EPDR1: variants seen among roughly 807,000 people sequenced by gnomAD.
The protein encoded by EPDR1 is ependymin related 1.
A neutral mutation model predicts 23.7 loss-of-function variants in EPDR1; 27 were observed. The ratio of observed to expected loss-of-function variants is 1.14; its 90% confidence interval spans 0.84 to 1.57. EPDR1 has a LOEUF of 1.57. Among genes scored for constraint, EPDR1 ranks in the 40% most tolerant of loss-of-function variants. The pLI is 0.00. For missense variants in EPDR1, 349 were observed against 290.4 expected (o/e 1.20, Z -1.47); for synonymous variants, 137 against 118.2 (o/e 1.16, Z -1.03).
At chr7:37,944,621 C>T (rs1253588541) in intron 1 of EPDR1, among the ~76,000 whole-genome samples, 1 of 152,152 alleles carries the variant, frequency 6.6e-6, no homozygotes, top group Non-Finnish European at 1.5e-5. Context: ...AGGGGAATTC[C>T]CATTTATAAA....
At chr7:37,937,118 A>C (rs1786069010) in intron 1 of EPDR1, among the ~76,000 whole-genome samples, 1 of 152,236 alleles carries the variant, frequency 6.6e-6, no homozygotes, top group Non-Finnish European at 1.5e-5. Flanking sequence ...TCTGGAAATT[A>C]GGTATGTGAT....
At chr7:37,929,520 G>A (rs1340859936) in intron 1 of EPDR1, among the ~76,000 whole-genome samples, 3 of 152,082 alleles carry the variant, frequency 2.0e-5, no homozygotes, top group African/African-American at 7.2e-5. Context: ...GTGAATGAGG[G>A]AAATGAATAA....
intron 1 of EPDR1, among the ~76,000 whole-genome samples, chr7:37,942,308 A>G (rs893184770): frequency 6.6e-6 from 1 of 152,222 alleles, no homozygotes; most frequent in Non-Finnish European, 1.5e-5. Flanking sequence ...AAATGCCAAC[A>G]CATGCTACAG....
At chr7:37,930,207 A>G (rs1785905806) in intron 1 of EPDR1, among the ~76,000 whole-genome samples, 1 of 152,182 alleles carries the variant, frequency 6.6e-6, no homozygotes, top group Non-Finnish European at 1.5e-5. Flanking sequence ...GTGACAGCCA[A>G]AAGCTCACCT....
At position 37,934,528 on chromosome 7, in the gene EPDR1, A is replaced by G. The variant is rs147891067; in HGVS notation, c.269+13320A>G. Among the ~76,000 whole-genome samples the G allele has an allele frequency of 4.2e-3, 643 of 152,280 alleles. 3 individuals are homozygous for G. The highest frequency in any genetic ancestry group is 0.015 in the African/African-American group (609 of 41,558). The stretch of plus-strand genomic sequence containing the variant: ...TACAAACTTTCCTTTAGATCTTCAA[A>G]GCCAGAACCAGATACCTTTAGCTCT... On this transcript the variant is annotated intron_variant, in intron 1 of 2. Coordinates refer to ENST00000199448, the MANE Select transcript of EPDR1 (RefSeq NM_017549.5).
chr7:37,920,684 AGCAGGCAGTG>A lies in EPDR1; in HGVS notation c.-253_-244del. ...GAAGGCAGTGGCAGCAGGCAGTGGC[AGCAGGCAGTG>A]GCCCAGGCAGAAATAGCTCCCGCGC... On this transcript the variant is annotated 5_prime_UTR_variant, in exon 1 of 3. Coordinates refer to ENST00000199448, the MANE Select transcript of EPDR1 (RefSeq NM_017549.5). The A allele has an allele frequency of 4.2e-6, 5 of 1,200,028 alleles. No individual in the cohort carries two copies. Among genetic ancestry groups the A allele is most frequent in the Non-Finnish European group, 6.0e-6 (5 of 837,242 alleles). The allele number at this position is 1,200,028 out of a possible 1,614,324, so 74.3% of individuals were successfully genotyped here.
chr7:37,920,737 CCCGGGCCCTGGTCCCGGCTA>C lies in EPDR1; in HGVS notation c.-197_-178del. ...TCCCGCGCGATTCACTGGAGCCTTCCCCGGGCCCTGGTCCCGGCTACCGGGACTCGCGCGTCCGGATCTCA... is the reference window on the plus strand; with the variant it reads ...TCCCGCGCGATTCACTGGAGCCTTCCCCGGGACTCGCGCGTCCGGATCTCA... On this transcript the variant is annotated 5_prime_UTR_variant, in exon 1 of 3. Transcript: ENST00000199448. The C allele has an allele frequency of 6.2e-7, 1 of 1,609,160 alleles. No homozygotes were observed. Among genetic ancestry groups the C allele is most frequent in the Non-Finnish European group, 8.5e-7 (1 of 1,177,452 alleles).
intron 1 of EPDR1, among the ~76,000 whole-genome samples, chr7:37,938,551 C>T (rs1021191129): frequency 3.9e-5 from 6 of 152,136 alleles, no homozygotes; most frequent in East Asian, 1.9e-4. Flanking sequence ...TTTCAGAAGG[C>T]GAACATGCAA....
At chr7:37,930,533 C>T (rs1785914969) in intron 1 of EPDR1, among the ~76,000 whole-genome samples, 2 of 152,198 alleles carry the variant, frequency 1.3e-5, no homozygotes, top group African/African-American at 4.8e-5. Flanking sequence ...GGGAGTTCTT[C>T]TTCTCACAGT....
rs566426800 is a variant in EPDR1, at chr7:37,933,241, A to T, written c.269+12033A>T. 6.6e-5 allele frequency among the ~76,000 whole-genome samples: 10 copies of T among 152,348 alleles called. No homozygotes were observed. In the South Asian group the frequency reaches 8.3e-4, roughly 13 times the overall value. On this transcript the variant is annotated intron_variant, in intron 1 of 2. Transcript: ENST00000199448. ...CCGGCATGCATTACTAATCTATTAT[A>T]GTGCGTATTAAACAAATCCAAAGTT... is the stretch of plus-strand genomic sequence containing the variant.
At chr7:37,932,000 G>T (rs575593714) in intron 1 of EPDR1, among the ~76,000 whole-genome samples, 4 of 152,112 alleles carry the variant, frequency 2.6e-5, no homozygotes, top group Non-Finnish European at 5.9e-5. Flanking sequence ...GAGCCACCGC[G>T]CCCGGTCGGG....
At chr7:37,923,446 GC>G (rs1785752550) in intron 1 of EPDR1, among the ~76,000 whole-genome samples, 1 of 152,210 alleles carries the variant, frequency 6.6e-6, no homozygotes, top group Non-Finnish European at 1.5e-5. Flanking sequence ...GGTACTGATG[GC>G]ATAGGGTAGA....
At chr7:37,947,563 T>C (rs1786302483) in intron 1 of EPDR1, among the ~76,000 whole-genome samples, 1 of 152,220 alleles carries the variant, frequency 6.6e-6, no homozygotes, top group Admixed American at 6.5e-5. Context: ...TCTCCTCTAG[T>C]GCATTGGGTC....
chr7:37,932,938 A>C (rs1785974190), intron 1 of EPDR1, among the ~76,000 whole-genome samples: 1 of 152,232 alleles, frequency 6.6e-6, no homozygotes, highest in South Asian at 2.1e-4. Flanking sequence ...ACTGGAATCC[A>C]AGTCATGGAG....
chr7:37,930,663 G>C (rs1394820761), intron 1 of EPDR1, among the ~76,000 whole-genome samples: 1 of 152,198 alleles, frequency 6.6e-6, no homozygotes, highest in Non-Finnish European at 1.5e-5. Context: ...ACCCTTCTGA[G>C]GTCTCAACTC....
chr7:37,921,173 G>A lies in EPDR1; in HGVS notation c.234G>A (p.Val78=). ...SYDGLNQRVR[V]LDERKALIPC... Reference sequence around the variant, plus strand: ...ACGGGCTCAACCAGCGCGTGCGGGTGCTGGACGAGAGGAAGGCGCTGATCC... The same window carrying A: ...ACGGGCTCAACCAGCGCGTGCGGGTACTGGACGAGAGGAAGGCGCTGATCC... Residue 78 remains valine, a synonymous_variant, in exon 1 of 3, where the codon GTG becomes GTA. Transcript: ENST00000199448. 2 of 1,593,330 alleles carry A rather than the reference G, an allele frequency of 1.3e-6. No homozygotes were observed. Among genetic ancestry groups the A allele is most frequent in the Non-Finnish European group, 1.7e-6 (2 of 1,177,828 alleles).
At chr7:37,933,471 C>T (rs572875324) in intron 1 of EPDR1, among the ~76,000 whole-genome samples, 1 of 152,210 alleles carries the variant, frequency 6.6e-6, no homozygotes, top group South Asian at 2.1e-4. Flanking sequence ...TACTTAACTA[C>T]GAAGTTATGC....
At chr7:37,928,833 C>A (rs1256622583) in intron 1 of EPDR1, among the ~76,000 whole-genome samples, 1 of 152,106 alleles carries the variant, frequency 6.6e-6, no homozygotes, top group African/African-American at 2.4e-5. Flanking sequence ...TCTGACCATA[C>A]CTCTACTGTT....
chr7:37,948,852 T>C lies in EPDR1; in HGVS notation c.282T>C (p.Tyr94=), dbSNP rs372082667. 2.5e-6 allele frequency: 4 copies of C among 1,613,998 alleles called. No individual in the cohort carries two copies. The African/African-American group carries it at 5.3e-5, about 22-fold the overall frequency. The part of the protein sequence containing the change: ...ALIPCKRLFE[Y]ILLYKDGVMF... ...ATCTGTGTTTCAGATTATTTGAATATATTTTGCTGTATAAGGATGGAGTGA... is the reference window on the plus strand; with the variant it reads ...ATCTGTGTTTCAGATTATTTGAATACATTTTGCTGTATAAGGATGGAGTGA... Residue 94 remains tyrosine, a synonymous_variant, in exon 2 of 3, where the codon TAT becomes TAC. Coordinates refer to ENST00000199448, the MANE Select transcript of EPDR1 (RefSeq NM_017549.5).
Sources: allele counts gnomAD v4.1 joint callset (sites outside exome capture counted in the v4.1 genomes callset), GRCh38; gene constraint gnomAD v4.1.1; transcripts MANE v1.5; gene names NCBI Gene and HGNC (gene_info 2026-07-23, HGNC 2026-07-21).